Variants in SHOX observed in about 807,000 individuals in gnomAD.
SHOX encodes SHOX homeobox.
Under a neutral mutation model 29.6 loss-of-function variants are expected in SHOX, and 12 were observed. The ratio of observed to expected loss-of-function variants is 0.41; its 90% CI spans 0.26 to 0.66. SHOX has a LOEUF of 0.66. Ranked by LOEUF, SHOX falls within the 30% of genes least tolerant of loss-of-function variation. The probability of loss-of-function intolerance (pLI) is 0.35; values close to 1 mark genes in which losing one functional copy is unlikely to be tolerated. For missense variants in SHOX, 499 were observed against 437.7 expected (o/e 1.14, Z -1.25); for synonymous variants, 214 against 200.6 (o/e 1.07, Z -0.57).
intron 2 of SHOX, 75 bp from the exon 3 acceptor site, chrX:640,746 A>C: frequency 6.4e-7 from 1 of 1,551,656 alleles, no homozygotes; most frequent in Non-Finnish European, 8.9e-7. Context: ...GTTCAGCCTC[A>C]TGGGAAGGAT....
chrX:651,068 C>G lies in SHOX; in HGVS notation c.*6432C>G, dbSNP rs2053052707. 6.6e-6 allele frequency among the ~76,000 whole-genome samples: 1 copy of G among 151,730 alleles called. No homozygotes were observed. The highest frequency in any genetic ancestry group is 2.1e-4 in the South Asian group (1 of 4,812). The stretch of plus-strand genomic sequence containing the variant: ...TCCCGTGGGAAGGAGGCAAAAGCCC[C>G]TGCTTCTTACTTTGTGATGTATGTG... On this transcript the variant is annotated 3_prime_UTR_variant, in exon 5 of 5. Transcript: ENST00000686671.
intron 4 of SHOX, among the ~76,000 whole-genome samples, chrX:642,834 C>A (rs1400171121): frequency 3.4e-5 from 5 of 147,396 alleles, no homozygotes; most frequent in Non-Finnish European, 6.0e-5. Flanking sequence ...CCTGGGAGGG[C>A]CTTTGGGACC....
At chrX:657,001 G>A (rs1446401040) in intron 5 of SHOX, among the ~76,000 whole-genome samples, 1 of 58,062 alleles carries the variant, frequency 1.7e-5, no homozygotes, top group Non-Finnish European at 3.0e-5. Context: ...GCAAGACTCT[G>A]TCTCAAAAAA....
chrX:654,851 A>C (rs1246045679), downstream of SHOX, among the ~76,000 whole-genome samples: 1 of 149,216 alleles, frequency 6.7e-6, no homozygotes, highest in African/African-American at 2.5e-5. Flanking sequence ...CACCTGGCTA[A>C]TTTCTTTTGT....
intron 1 of SHOX, among the ~76,000 whole-genome samples, chrX:625,777 T>G (rs1028352077): frequency 2.6e-4 from 39 of 150,402 alleles, no homozygotes; most frequent in Non-Finnish European, 3.0e-4. Context: ...TCTGTCTGTC[T>G]CTGTCTCTCT....
Position 644,434 on chromosome X carries a change from C to G in SHOX, c.677C>G (p.Pro226Arg), listed in dbSNP as rs1448365660. ...CTGGAAGGCGTGGCCCACGCGCACC[C>G]GCACCTGCACCCGCACCTGGCGGCG... is the stretch of plus-strand genomic sequence containing the variant. The part of the protein sequence containing the change: ...LQLEGVAHAH[P>R]HLHPHLAAHA... Residue 226 changes from proline (P) to arginine (R), a missense_variant, in exon 5 of 5, where the codon CCG becomes CGG. By Grantham distance (103) the Pro-to-Arg change is moderately radical (BLOSUM62 -2). Coordinates refer to ENST00000686671, the MANE Select transcript of SHOX (RefSeq NM_000451.4). 4 of 1,521,208 alleles carry G rather than the reference C, an allele frequency of 2.6e-6. No individual in the cohort carries two copies. The East Asian group carries it at 7.7e-5, about 29-fold the overall frequency. The allele number at this position is 1,521,208 out of a possible 1,614,324, so 94.2% of individuals were successfully genotyped here. A position where few individuals can be genotyped will look rare whatever the true frequency, so the allele number is the denominator to read the frequency against.
At chrX:656,807 C>A (rs78922020) in intron 5 of SHOX, among the ~76,000 whole-genome samples, 44,814 of 74,966 alleles carry the variant, frequency 0.6, 13,060 homozygotes, top group East Asian at 0.74. Context: ...CGCGCCACTG[C>A]CCTCCAGCCT....
chrX:628,861 ATCTCTC>A (rs756627903), upstream of SHOX, among the ~76,000 whole-genome samples: 1 of 5,006 alleles, frequency 2.0e-4, no homozygotes, highest in East Asian at 1.9e-3. Context: ...CTCTCTCTCC[ATCTCTC>A]TCTGTCTCTC....
chrX:650,773 C>G lies in SHOX; in HGVS notation c.*6137C>G, dbSNP rs1336983018. Among the ~76,000 whole-genome samples the G allele has an allele frequency of 9.2e-6, 1 of 108,770 alleles. No individual in the cohort carries two copies. Among genetic ancestry groups the G allele is most frequent in the East Asian group, 2.8e-4 (1 of 3,550 alleles). 71.4% of individuals were successfully genotyped at this position (108,770 alleles called of 152,430 possible). A position where few individuals can be genotyped will look rare whatever the true frequency, so the allele number is the denominator to read the frequency against. ...GAGGTCTGGGGAGGAGAGAGGCTTT[C>G]GGTGGACACGTTTGACATTAAAAAA... On this transcript the variant is annotated 3_prime_UTR_variant, in exon 5 of 5. Transcript: ENST00000686671.
At chrX:634,531 C>G (rs2052706616) in intron 1 of SHOX, 87 bp from the exon 2 acceptor site, 5 of 1,447,956 alleles carry the variant, frequency 3.5e-6, no homozygotes, top group African/African-American at 1.4e-5. Flanking sequence ...CGAGGGCCCC[C>G]TTTCCACCGC....
At chrX:642,130 G>A (rs185652984) in intron 4 of SHOX, among the ~76,000 whole-genome samples, 1,677 of 152,312 alleles carry the variant, frequency 0.011, 36 homozygotes, top group African/African-American at 0.039. Flanking sequence ...GGGATGGGAT[G>A]GGGGGAAGCG....
At chrX:627,501 G>A (rs758187202), upstream of SHOX, among the ~76,000 whole-genome samples, 6 of 152,308 alleles carry the variant, frequency 3.9e-5, no homozygotes, top group South Asian at 4.1e-4. Flanking sequence ...GATCTCTTTC[G>A]CGTAGCCAGA....
chrX:639,184 C>A (rs2052806993), intron 2 of SHOX, among the ~76,000 whole-genome samples: 1 of 152,154 alleles, frequency 6.6e-6, no homozygotes, highest in Admixed American at 6.5e-5. Flanking sequence ...CCTGAGGGTC[C>A]CCTGCGCTAT....
rs1468889914 is a variant in SHOX, at chrX:624,863, TTTC to T, written c.-433+264_-433+266del. 8.7e-3 allele frequency among the ~76,000 whole-genome samples: 194 copies of T among 22,210 alleles called. 1 individual carries two copies. The highest frequency in any genetic ancestry group is 9.3e-3 in the Non-Finnish European group (122 of 13,116). The allele number at this position is 22,210 out of a possible 152,430, so 14.6% of individuals were successfully genotyped here. On this transcript the variant is annotated intron_variant, in intron 1 of 5. Coordinates refer to the SHOX transcript ENST00000334060. ...CCTTCCTCTCTTCCTCTTTCTTTCT[TTTC>T]TTTCTTTCTTTCTTTCTTTCTTTCT...
chrX:624,638 A>G, intron 1 of SHOX: 2 of 151,868 alleles, frequency 1.3e-5, no homozygotes, highest in Middle Eastern at 6.8e-3. Context: ...TTTCTTTTCC[A>G]GAAAGCTTTG....
exon 6 of SHOX, chrX:659,057 G>A (rs113339335): frequency 0.022 from 3,468 of 154,392 alleles, 122 homozygotes; most frequent in African/African-American, 0.08. Flanking sequence ...GAGCCCCTGC[G>A]CCCGGCCTTT....
chrX:638,041 A>G (rs554468374), intron 2 of SHOX, among the ~76,000 whole-genome samples: 1 of 152,296 alleles, frequency 6.6e-6, no homozygotes, highest in East Asian at 1.9e-4. Context: ...AAATGTCATT[A>G]TTCACTGTCT....
At chrX:642,192 C>T (rs1403142879) in intron 4 of SHOX, among the ~76,000 whole-genome samples, 1 of 152,108 alleles carries the variant, frequency 6.6e-6, no homozygotes, top group Non-Finnish European at 1.5e-5. Context: ...AGCGCAGCGC[C>T]CACGTGCGCC....
rs748251503 is a variant in SHOX, at chrX:640,868, G to C, written c.534G>C (p.Gln178His). The C allele has an allele frequency of 1.2e-6, 2 of 1,613,904 alleles. No homozygotes were observed. The highest frequency in any genetic ancestry group is 4.5e-5 in the East Asian group (2 of 44,866). Reference protein sequence around the residue: ...RRAKCRKQENQMHKGVILGTA... With the variant: ...RRAKCRKQENHMHKGVILGTA... ...CCAAGTGCCGCAAACAAGAGAATCAGATGCATAAAGGTGGGTGTCGGGACT... is the reference window on the plus strand; with the variant it reads ...CCAAGTGCCGCAAACAAGAGAATCACATGCATAAAGGTGGGTGTCGGGACT... The change falls in exon 3 of 5, where the codon CAG (glutamine) becomes CAC (histidine). Residue 178 changes from glutamine (Q) to histidine (H), a missense_variant. Transcript: ENST00000686671.
Sources: allele counts gnomAD v4.1 joint callset (sites outside exome capture counted in the v4.1 genomes callset), GRCh38; gene constraint gnomAD v4.1.1; transcripts MANE v1.5; gene names NCBI Gene and HGNC (gene_info 2026-07-23, HGNC 2026-07-21).